Variants in ADARB2 observed in about 807,000 individuals in gnomAD.
ADARB2 encodes the protein inactive double-stranded RNA-specific editase B2.
In ADARB2, 25 loss-of-function variants were observed where a neutral mutation model predicts 62.2. The ratio of observed to expected loss-of-function variants is 0.40; its 90% CI spans 0.29 to 0.56. ADARB2 has a LOEUF of 0.56. Ranked by LOEUF, ADARB2 falls within the 20% of genes least tolerant of loss-of-function variation. The probability of loss-of-function intolerance (pLI) is 0.43; values close to 1 mark genes in which losing one functional copy is unlikely to be tolerated. For missense variants in ADARB2, 1,071 were observed against 1,077.4 expected (o/e 0.99, Z 0.08); for synonymous variants, 572 against 500.8 (o/e 1.14, Z -1.90).
intron 3 of ADARB2, among the ~76,000 whole-genome samples, chr10:1,346,142 T>G (rs1832078627): frequency 6.6e-6 from 1 of 152,236 alleles, no homozygotes; most frequent in African/African-American, 2.4e-5. Flanking sequence ...GAATTCACAA[T>G]TCCACCGTGT....
Position 1,602,339 on chromosome 10 carries a change from G to A in ADARB2, c.100+134712C>T, listed in dbSNP as rs140737302. On this transcript the variant is annotated intron_variant, in intron 1 of 9. Coordinates refer to ENST00000381312, the MANE Select transcript of ADARB2 (RefSeq NM_018702.4). Reference sequence around the variant, plus strand: ...TCTGCTTTCAATGCCACTTTTGAGCGCGTTGTGTTTTCCCAGCGTCTCCCT... The same window carrying A: ...TCTGCTTTCAATGCCACTTTTGAGCACGTTGTGTTTTCCCAGCGTCTCCCT... Among the ~76,000 whole-genome samples, 12 of 152,278 alleles carry A rather than the reference G, an allele frequency of 7.9e-5. No individual in the cohort carries two copies. In the East Asian group the frequency reaches 1.4e-3, roughly 17 times the overall value.
intron 1 of ADARB2, among the ~76,000 whole-genome samples, chr10:1,647,693 T>C (rs1448935606): frequency 6.6e-6 from 1 of 152,116 alleles, no homozygotes; most frequent in Non-Finnish European, 1.5e-5. Flanking sequence ...TGTGTGTATG[T>C]GTGCATATAT....
intron 1 of ADARB2, among the ~76,000 whole-genome samples, chr10:1,651,334 C>A (rs1402288023): frequency 6.6e-6 from 1 of 152,250 alleles, no homozygotes; most frequent in African/African-American, 2.4e-5. Context: ...GGCAAGGTCT[C>A]CAAGGTTGGC....
intron 3 of ADARB2, among the ~76,000 whole-genome samples, chr10:1,280,701 C>G (rs1011871015): frequency 1.0e-4 from 15 of 150,628 alleles, no homozygotes; most frequent in African/African-American, 3.4e-4. Context: ...AAGTGATGCT[C>G]TGTGATATTC....
In ADARB2 at chr10:1,363,647, G is replaced by A. The variant is rs778118609; in HGVS notation, c.458C>T (p.Ala153Val). The change falls in exon 3 of 10, where the codon GCC becomes GTC. Residue 153 changes from alanine to valine, a missense_variant. Ala to Val is a moderately conservative substitution (Grantham distance 64). Coordinates refer to ENST00000381312, the MANE Select transcript of ADARB2 (RefSeq NM_018702.4). ...RTVSQTGPVH[A>V]PVFAVAVEVN... Reference sequence around the variant, plus strand: ...CTCCACCGCTACCGCGAAGACCGGGGCATGCACCGGGCCCGTCTGCGACAC... The same window carrying A: ...CTCCACCGCTACCGCGAAGACCGGGACATGCACCGGGCCCGTCTGCGACAC... The A allele has an allele frequency of 5.6e-6, 9 of 1,606,636 alleles. No homozygotes were observed. The highest frequency in any genetic ancestry group is 7.6e-6 in the Non-Finnish European group (9 of 1,176,672).
chr10:1,404,741 T>A (rs1312665726), intron 1 of ADARB2, among the ~76,000 whole-genome samples: 1 of 152,142 alleles, frequency 6.6e-6, no homozygotes, highest in Non-Finnish European at 1.5e-5. Flanking sequence ...AACAGTGACA[T>A]TCGTGGACCC....
chr10:1,689,754 C>A (rs1027360201), intron 1 of ADARB2, among the ~76,000 whole-genome samples: 3 of 152,186 alleles, frequency 2.0e-5, no homozygotes, highest in Non-Finnish European at 4.4e-5. Context: ...GCTGCCTATA[C>A]GCATATGTGT....
At chr10:1,510,086 T>G (rs1588282499) in intron 1 of ADARB2, among the ~76,000 whole-genome samples, 2 of 149,990 alleles carry the variant, frequency 1.3e-5, no homozygotes, top group South Asian at 4.2e-4. Context: ...TCTCTTTCTC[T>G]CTCTCTCTCT....
At chr10:1,440,341 C>T (rs1238128005) in intron 1 of ADARB2, among the ~76,000 whole-genome samples, 2 of 152,116 alleles carry the variant, frequency 1.3e-5, no homozygotes, top group African/African-American at 4.8e-5. Flanking sequence ...CAATCTGATC[C>T]TCATGGTGTG....
intron 1 of ADARB2, among the ~76,000 whole-genome samples, chr10:1,721,147 T>C (rs10903551): frequency 0.66 from 100,928 of 152,040 alleles, 33,932 homozygotes; most frequent in South Asian, 0.79. Context: ...TTCCTCTGCT[T>C]GAGGGGATGT....
At chr10:1,408,131 G>C (rs1832722229) in intron 1 of ADARB2, among the ~76,000 whole-genome samples, 2 of 152,208 alleles carry the variant, frequency 1.3e-5, no homozygotes, top group Admixed American at 1.3e-4. Flanking sequence ...ATGGGTGCAT[G>C]CATCCTTCTT....
chr10:1,460,761 A>T (rs868787816), intron 1 of ADARB2, among the ~76,000 whole-genome samples: 1 of 125,060 alleles, frequency 8.0e-6, no homozygotes, highest in Non-Finnish European at 1.7e-5. Flanking sequence ...TACCTGCGTA[A>T]CAAACCTGCC....
At chr10:1,412,192 C>T (rs758251698) in intron 1 of ADARB2, among the ~76,000 whole-genome samples, 7 of 152,222 alleles carry the variant, frequency 4.6e-5, no homozygotes, top group South Asian at 2.1e-4. Context: ...GGGTTCGGAG[C>T]GTGCTGCATC....
chr10:1,607,242 G>T (rs1010602662), intron 1 of ADARB2, among the ~76,000 whole-genome samples: 2 of 152,196 alleles, frequency 1.3e-5, no homozygotes, highest in African/African-American at 4.8e-5. Flanking sequence ...GTCTCCGAGG[G>T]CTGAGCTGCC....
At chr10:1,666,520 C>T (rs1024287594) in intron 1 of ADARB2, among the ~76,000 whole-genome samples, 2 of 152,238 alleles carry the variant, frequency 1.3e-5, no homozygotes, top group Non-Finnish European at 2.9e-5. Context: ...ATGCACACGC[C>T]GCTGCCAGCC....
rs1428198612 is a variant in ADARB2 at position 1,233,556 on chromosome 10, T to G, written c.1513+138A>C. On this transcript the variant is annotated intron_variant, in intron 6 of 9. Coordinates refer to ENST00000381312, the MANE Select transcript of ADARB2 (RefSeq NM_018702.4). ...GGAGGCATGGTTATCCCACTAATTG[T>G]AGACTCAATCCCCTTCCAGTACCCA... 3 of 910,194 alleles carry G rather than the reference T, an allele frequency of 3.3e-6. No homozygotes were observed. The Admixed American group carries it at 8.8e-5, about 27-fold the overall frequency. The allele number at this position is 910,194 out of a possible 1,614,324, so 56.4% of individuals were successfully genotyped here. A position where few individuals can be genotyped will look rare whatever the true frequency, so the allele number is the denominator to read the frequency against.
chr10:1,593,737 G>A (rs1208254277), intron 1 of ADARB2, among the ~76,000 whole-genome samples: 1 of 152,154 alleles, frequency 6.6e-6, no homozygotes, highest in Non-Finnish European at 1.5e-5. Flanking sequence ...TGACTGCATG[G>A]ACAAGGTTGA....
At chr10:1,312,506 G>A (rs374921882) in intron 3 of ADARB2, among the ~76,000 whole-genome samples, 1 of 152,202 alleles carries the variant, frequency 6.6e-6, no homozygotes, top group Non-Finnish European at 1.5e-5. Context: ...TCTCCAGGAC[G>A]TCTCTCCTGA....
At chr10:1,490,368 C>T (rs557704221) in intron 1 of ADARB2, among the ~76,000 whole-genome samples, 3 of 152,290 alleles carry the variant, frequency 2.0e-5, no homozygotes, top group Non-Finnish European at 4.4e-5. Flanking sequence ...TAACTGTTTA[C>T]AAGGTAAGTT....
Sources: gnomAD v4.1 joint callset for allele counts (sites outside exome capture counted in the v4.1 genomes callset) on GRCh38, gnomAD v4.1.1 for gene constraint, MANE v1.5 for transcripts, NCBI Gene and HGNC (gene_info 2026-07-23, HGNC 2026-07-21) for gene names.